Variants in SELP observed in about 807,000 individuals in gnomAD.
SELP encodes selectin P, also known as P-selectin.
A neutral mutation model predicts 104.1 loss-of-function variants in SELP; 92 were observed. That is an observed-to-expected ratio of 0.88 (90% CI 0.75 to 1.05). The LOEUF is 1.05. Ranked by LOEUF, SELP falls within the 50% of genes least tolerant of loss-of-function variation. SELP has a pLI of 0.00. For synonymous variants in SELP, 397 were observed against 364.5 expected (o/e 1.09, Z -1.01); for missense variants, 1,022 against 1,017.3 (o/e 1.00, Z -0.06).
chr1:169,597,589 T>C (rs3766122), intron 10 of SELP, among the ~76,000 whole-genome samples: 16,304 of 152,210 alleles, frequency 0.11, 2,061 homozygotes, highest in East Asian at 0.7. Context: ...CCATATATCA[T>C]GCCATCTTCT....
chr1:169,602,837 T>G (rs746802384), intron 10 of SELP, among the ~76,000 whole-genome samples, 189 bp downstream of exon 10: 19 of 152,194 alleles, frequency 1.2e-4, no homozygotes, highest in South Asian at 2.1e-4. Context: ...TTCTTGAAAC[T>G]GTGGAATATT....
At chr1:169,612,845 T>G in intron 5 of SELP, 84 bp downstream of exon 5, 1 of 1,206,570 alleles carries the variant, frequency 8.3e-7, no homozygotes, top group Non-Finnish European at 1.1e-6. Context: ...ATTTCTCACA[T>G]TTTTTAATGG....
chr1:169,612,998 C>T lies in SELP; in HGVS notation c.706G>A (p.Val236Ile). ...CSFHCTDGYQVNGPSKLECLA... is the reference protein window; with the variant it reads ...CSFHCTDGYQINGPSKLECLA... ...CATTCCAGCTTGCTGGGCCCATTTA[C>T]TTGGTACCCGTCAGTGCAGTGGAAG... Residue 236 changes from valine (V) to isoleucine (I), a missense_variant, in exon 5 of 17, where the codon GTA becomes ATA. Transcript: ENST00000263686. 6.2e-7 allele frequency: 1 copy of T among 1,613,894 alleles called. No individual in the cohort carries two copies. The highest frequency in any genetic ancestry group is 1.3e-5 in the African/African-American group (1 of 75,050).
Position 169,607,125 on chromosome 1 carries a change from C to A in SELP, c.1343G>T (p.Cys448Phe). The A allele has an allele frequency of 6.3e-7, 1 of 1,597,882 alleles. No homozygotes were observed. ...APAPVCQALQ[C>F]QDLPVPNEAR... is the part of the protein sequence containing the mutation. ...CTCATTTGGAACTGGGAGATCCTGG[C>A]ACTGCAAAGCTAAGGGATGAGGAAG... is the stretch of plus-strand genomic sequence containing the variant. The change falls in exon 9 of 17, where the codon TGC (cysteine) becomes TTC (phenylalanine). Residue 448 changes from cysteine (C) to phenylalanine (F), a missense_variant. Transcript: ENST00000263686.
intron 1 of SELP, among the ~76,000 whole-genome samples, chr1:169,621,402 T>C (rs1663127903): frequency 7.2e-6 from 1 of 139,700 alleles, no homozygotes; most frequent in Non-Finnish European, 1.5e-5. Flanking sequence ...TGATGGATGA[T>C]GTAGGGTGCA....
At chr1:169,628,812 G>T (rs1285580572) in intron 1 of SELP, among the ~76,000 whole-genome samples, 1 of 152,208 alleles carries the variant, frequency 6.6e-6, no homozygotes, top group Non-Finnish European at 1.5e-5. Flanking sequence ...CATGCAAAAA[G>T]ACAGGACAAA....
chr1:169,627,460 TAA>T (rs766462771), intron 1 of SELP, among the ~76,000 whole-genome samples: 1 of 152,236 alleles, frequency 6.6e-6, no homozygotes, highest in Non-Finnish European at 1.5e-5. Flanking sequence ...TAAAATTTTT[TAA>T]AAAGTCTATT....
rs772097224 is a variant in SELP at position 169,609,687 on chromosome 1, T to C, written c.1150A>G (p.Ile384Val). The change falls in exon 8 of 17, where the codon ATT (isoleucine) becomes GTT (valine). Residue 384 changes from isoleucine (I) to valine (V), a missense_variant and splice_region_variant. Ile to Val is a conservative substitution (Grantham distance 29). Transcript: ENST00000263686. ...WSAPLPTCEA[I>V]SCEPLESPVH... ...GGACTCTCCAGCGGCTCACACGAAA[T>C]AGCTAAGTGGAAAAGGTATCTTCTA... The C allele has an allele frequency of 1.2e-6, 2 of 1,607,810 alleles. No homozygotes were observed. The highest frequency in any genetic ancestry group is 8.5e-7 in the Non-Finnish European group (1 of 1,177,064).
At chr1:169,599,004 T>A (rs1661764712) in intron 10 of SELP, among the ~76,000 whole-genome samples, 2 of 152,196 alleles carry the variant, frequency 1.3e-5, no homozygotes, top group Admixed American at 6.5e-5. Flanking sequence ...GTCTTATCAG[T>A]CATGCTCAGC....
At chr1:169,601,028 A>G (rs1287467050) in intron 10 of SELP, among the ~76,000 whole-genome samples, 2 of 152,234 alleles carry the variant, frequency 1.3e-5, no homozygotes, top group Non-Finnish European at 2.9e-5. Flanking sequence ...TTTAGAGATT[A>G]CAGATTTAGC....
At chr1:169,622,388 A>G (rs1171815246) in intron 1 of SELP, among the ~76,000 whole-genome samples, 3 of 152,254 alleles carry the variant, frequency 2.0e-5, no homozygotes, top group Admixed American at 6.5e-5. Context: ...TTGCTATAAT[A>G]AAACTTCTAA....
intron 3 of SELP, among the ~76,000 whole-genome samples, chr1:169,613,961 G>A (rs1394506392): frequency 6.7e-6 from 1 of 150,322 alleles, no homozygotes; most frequent in Non-Finnish European, 1.5e-5. Context: ...GGGACAAATG[G>A]AGCCAATGAC....
chr1:169,608,473 A>C (rs1007155228), intron 8 of SELP, among the ~76,000 whole-genome samples: 1 of 152,148 alleles, frequency 6.6e-6, no homozygotes, highest in Non-Finnish European at 1.5e-5. Context: ...TTGTCCTTTC[A>C]TAGTGGCTTA....
chr1:169,627,555 A>T (rs1663432150), intron 1 of SELP, among the ~76,000 whole-genome samples: 2 of 152,200 alleles, frequency 1.3e-5, no homozygotes, highest in South Asian at 4.1e-4. Context: ...TTACTTTTTA[A>T]TCAAAAAGAT....
At chr1:169,619,436 CTTCA>C (rs1421678387) in intron 1 of SELP, among the ~76,000 whole-genome samples, 1 of 152,200 alleles carries the variant, frequency 6.6e-6, no homozygotes, top group Non-Finnish European at 1.5e-5. Context: ...GAGTTCATTT[CTTCA>C]TTCATTCAAC....
intron 1 of SELP, among the ~76,000 whole-genome samples, chr1:169,622,172 G>A (rs992883335): frequency 1.3e-5 from 2 of 152,158 alleles, no homozygotes; most frequent in African/African-American, 2.4e-5. Context: ...GAGATGATTC[G>A]AAATATTGGT....
At chr1:169,611,418 G>T (rs1571655239) in intron 7 of SELP, 74 bp downstream of exon 7, 1 of 1,463,428 alleles carries the variant, frequency 6.8e-7, no homozygotes, top group Non-Finnish European at 9.4e-7. Context: ...CCCCGACACT[G>T]AGAGCCCTTG....
In SELP at chr1:169,597,016, C is replaced by T. The variant is rs373169532; in HGVS notation, c.1866G>A (p.Trp622Ter). 4.0e-5 allele frequency: 65 copies of T among 1,612,186 alleles called. No individual in the cohort carries two copies. Among genetic ancestry groups the T allele is most frequent in the Non-Finnish European group, 2.1e-5 (25 of 1,179,076 alleles). ...NNVECTTSGR[W>*]SATPPTCKGI... The stretch of plus-strand genomic sequence containing the variant: ...CTTTGCAGGTTGGTGGAGTAGCTGA[C>T]CATCTTCCAGAAGTTGTGCATTCCA... The change falls in exon 11 of 17, where the codon TGG (tryptophan) becomes TGA (stop). Residue 622 changes from tryptophan to a stop codon, truncating the protein, a stop_gained. Coordinates refer to ENST00000263686, the MANE Select transcript of SELP (RefSeq NM_003005.4). LOFTEE classifies it high-confidence loss of function.
At chr1:169,622,923 T>C (rs1424762397) in intron 1 of SELP, among the ~76,000 whole-genome samples, 1 of 152,240 alleles carries the variant, frequency 6.6e-6, no homozygotes, top group Non-Finnish European at 1.5e-5. Flanking sequence ...TAGTACTTTA[T>C]TCCATTGGAT....
Sources: gnomAD v4.1 joint callset for allele counts (sites outside exome capture counted in the v4.1 genomes callset) on GRCh38, gnomAD v4.1.1 for gene constraint, MANE v1.5 for transcripts, NCBI Gene and HGNC (gene_info 2026-07-23, HGNC 2026-07-21) for gene names.